SLC17A1: variants seen among roughly 807,000 people sequenced by gnomAD.
SLC17A1 encodes sodium-dependent phosphate transport protein 1.
A neutral mutation model predicts 53.5 loss-of-function variants in SLC17A1; 51 were observed. That is an observed-to-expected ratio of 0.95 (90% CI 0.76 to 1.20). SLC17A1 has a LOEUF of 1.20. Ranked by LOEUF, SLC17A1 falls within the 50% of genes most tolerant of loss-of-function variation. The probability of loss-of-function intolerance (pLI) is 0.00; values close to 1 mark genes in which losing one functional copy is unlikely to be tolerated. For missense variants in SLC17A1, 538 were observed against 568.2 expected, an observed-to-expected ratio of 0.95 and a Z score of 0.54; for synonymous variants, 179 against 198.8, an observed-to-expected ratio of 0.90 and a Z score of 0.84.
At chr6:25,770,574 A>G in the SLC17A1 span, 1 of 1,076,780 alleles carries the variant, frequency 9.3e-7, no homozygotes, top group Non-Finnish European at 1.4e-6. Context: ...CTGTGTCTTC[A>G]TAGTCCTTTC....
chr6:25,814,712 G>A (rs186062138), intron 6 of SLC17A1, among the ~76,000 whole-genome samples: 159 of 152,248 alleles, frequency 1.0e-3, no homozygotes, highest in African/African-American at 2.9e-3. Flanking sequence ...GGCTGGGCAT[G>A]GTGGCTCACG....
At chr6:25,798,688 C>A (rs951490727) in intron 12 of SLC17A1, 95 bp downstream of exon 12, 1 of 1,174,520 alleles carries the variant, frequency 8.5e-7, no homozygotes, top group Admixed American at 2.3e-5. Flanking sequence ...CAAACCTGCA[C>A]CCGTTATTCC....
chr6:25,727,274 G>A, the SLC17A1 span: 7 of 1,605,870 alleles, frequency 4.4e-6, no homozygotes, highest in South Asian at 3.3e-5. Context: ...CTGTCACTAA[G>A]TACACCAGCT....
At chr6:25,773,489 A>T in the SLC17A1 span, 1 of 1,613,306 alleles carries the variant, frequency 6.2e-7, no homozygotes, top group African/African-American at 1.3e-5. Context: ...GACGGAGGGG[A>T]CATTGATGTG....
the SLC17A1 span, among the ~76,000 whole-genome samples, chr6:25,737,303 A>C: frequency 6.6e-6 from 1 of 151,902 alleles, no homozygotes; most frequent in African/African-American, 2.4e-5. Flanking sequence ...TGGATCCATG[A>C]CTCTTGACTC....
At chr6:25,727,179 A>G in the SLC17A1 span, 11 of 1,614,104 alleles carry the variant, frequency 6.8e-6, no homozygotes, top group East Asian at 6.7e-5. Context: ...GCGCTCCACC[A>G]TTTCTTCCAG....
At chr6:25,777,955 A>G (rs749856666), downstream of SLC17A1, 1 of 1,613,132 alleles carries the variant, frequency 6.2e-7, no homozygotes, top group East Asian at 2.2e-5. Flanking sequence ...GGACTATTGC[A>G]AGTCTTTGCA....
the SLC17A1 span, among the ~76,000 whole-genome samples, chr6:25,763,269 G>A: frequency 1.3e-5 from 2 of 152,088 alleles, no homozygotes; most frequent in Non-Finnish European, 2.9e-5. Context: ...ACTTTACCCT[G>A]GCCTGTTGTT....
chr6:25,732,376 G>C, the SLC17A1 span: 1 of 266,832 alleles, frequency 3.7e-6, no homozygotes, highest in South Asian at 4.9e-5. Context: ...TCTGCTGTCA[G>C]ACTAGAAATA....
At chr6:25,746,642 G>A in the SLC17A1 span, among the ~76,000 whole-genome samples, 4 of 152,118 alleles carry the variant, frequency 2.6e-5, no homozygotes, top group Non-Finnish European at 5.9e-5. Context: ...TGGAATATTA[G>A]ACAAGTTATT....
chr6:25,783,665 T>C (rs574160292), intron 12 of SLC17A1, among the ~76,000 whole-genome samples: 21 of 152,316 alleles, frequency 1.4e-4, no homozygotes, highest in Non-Finnish European at 2.6e-4. Flanking sequence ...CTAATAAGAA[T>C]ATATTTTATC....
chr6:25,757,496 C>G, the SLC17A1 span, among the ~76,000 whole-genome samples: 1 of 152,036 alleles, frequency 6.6e-6, no homozygotes, highest in African/African-American at 2.4e-5. Flanking sequence ...TAGGTCCAGT[C>G]CAGTGAAAAC....
At chr6:25,757,992 G>A in the SLC17A1 span, among the ~76,000 whole-genome samples, 1 of 152,138 alleles carries the variant, frequency 6.6e-6, no homozygotes, top group Non-Finnish European at 1.5e-5. Context: ...TCCGTATCTG[G>A]TTCACAAGGG....
the SLC17A1 span, among the ~76,000 whole-genome samples, chr6:25,761,280 T>A: frequency 6.6e-6 from 1 of 152,340 alleles, no homozygotes; most frequent in South Asian, 2.1e-4. Context: ...AACCAAGTTT[T>A]GAACCCCTGT....
chr6:25,725,929 C>A, the SLC17A1 span, among the ~76,000 whole-genome samples: 2 of 152,126 alleles, frequency 1.3e-5, no homozygotes, highest in African/African-American at 4.8e-5. Context: ...AACTAATGGC[C>A]GATGGAACGC....
At chr6:25,745,057 C>T in the SLC17A1 span, among the ~76,000 whole-genome samples, 1 of 151,858 alleles carries the variant, frequency 6.6e-6, no homozygotes, top group African/African-American at 2.4e-5. Context: ...AGGACTGCAC[C>T]CATTAGTTAA....
chr6:25,737,591 G>A, the SLC17A1 span, among the ~76,000 whole-genome samples: 2 of 151,934 alleles, frequency 1.3e-5, no homozygotes, highest in African/African-American at 4.8e-5. Context: ...TGGGCAGCAG[G>A]CAAAAGAAAC....
chr6:25,784,787 G>T (rs1032682270), intron 12 of SLC17A1, among the ~76,000 whole-genome samples: 1 of 152,118 alleles, frequency 6.6e-6, no homozygotes, highest in Non-Finnish European at 1.5e-5. Context: ...AGCCTCAAGA[G>T]AGTGTAGATG....
the SLC17A1 span, among the ~76,000 whole-genome samples, chr6:25,724,995 G>GT: frequency 0.54 from 74,635 of 137,786 alleles, 19,749 homozygotes; most frequent in Middle Eastern, 0.61. Flanking sequence ...GTGTTTAGCA[G>GT]TTTTTTTTTT....
Sources: gnomAD v4.1 joint callset for allele counts (sites outside exome capture counted in the v4.1 genomes callset) on GRCh38, gnomAD v4.1.1 for gene constraint, MANE v1.5 for transcripts, NCBI Gene and HGNC (gene_info 2026-07-23, HGNC 2026-07-21) for gene names.